Variants in CAMKK2 observed in about 807,000 individuals in gnomAD.
CAMKK2 encodes calcium/calmodulin-dependent protein kinase kinase 2.
In CAMKK2, 30 loss-of-function variants were observed where a neutral mutation model predicts 67.2. The observed-to-expected ratio is 0.45, with a 90% CI of 0.33 to 0.61. The LOEUF is 0.61. Among genes scored for constraint, CAMKK2 ranks in the 20% least tolerant of loss-of-function variants. The pLI is 0.02. For missense variants in CAMKK2, 643 were observed against 802.0 expected, an observed-to-expected ratio of 0.80 and a Z score of 2.39; for synonymous variants, 322 against 326.2, an observed-to-expected ratio of 0.99 and a Z score of 0.14.
At chr12:121,260,186 G>A in intron 7 of CAMKK2, 133 bp downstream of exon 7, 1 of 729,434 alleles carries the variant, frequency 1.4e-6, no homozygotes, top group Middle Eastern at 3.8e-4. Context: ...CCTCCGGTGG[G>A]GCCAGCTGGA....
At chr12:121,287,133 T>TGGGCTCAAGTG in intron 1 of CAMKK2, among the ~76,000 whole-genome samples, 1 of 152,156 alleles carries the variant, frequency 6.6e-6, no homozygotes, top group East Asian at 1.9e-4. Context: ...CTCAAACTCC[T>TGGGCTCAAGTG]GGGCTCAAGT....
intron 16 of CAMKK2, among the ~76,000 whole-genome samples, 169 bp from the exon 17 acceptor site, chr12:121,241,038 C>T (rs933190278): frequency 6.6e-6 from 1 of 152,194 alleles, no homozygotes; most frequent in Non-Finnish European, 1.5e-5. Flanking sequence ...TCCTTGCTCA[C>T]ATAAATTTTT....
intron 14 of CAMKK2, among the ~76,000 whole-genome samples, chr12:121,247,479 C>T (rs866050776): frequency 9.9e-5 from 15 of 152,220 alleles, no homozygotes; most frequent in Admixed American, 6.5e-4. Flanking sequence ...GCAACTGATT[C>T]AGGACTGAGA....
chr12:121,254,934 C>T (rs999760608), intron 9 of CAMKK2, among the ~76,000 whole-genome samples: 5 of 151,800 alleles, frequency 3.3e-5, no homozygotes, highest in African/African-American at 4.8e-5. Context: ...ACATTTGAGT[C>T]AGTGGGCTGG....
chr12:121,261,638 C>T (rs1893477357), intron 6 of CAMKK2, among the ~76,000 whole-genome samples: 1 of 152,242 alleles, frequency 6.6e-6, no homozygotes, highest in African/African-American at 2.4e-5. Context: ...CCTTGTCCGC[C>T]TAGAGTTCTG....
intron 7 of CAMKK2, among the ~76,000 whole-genome samples, chr12:121,257,697 G>A (rs1257441400): frequency 6.6e-6 from 1 of 152,144 alleles, no homozygotes; most frequent in East Asian, 1.9e-4. Context: ...TCATCAACCA[G>A]TGTGAGTTAG....
intron 16 of CAMKK2, among the ~76,000 whole-genome samples, chr12:121,242,478 G>A (rs112536694): frequency 1.3e-5 from 2 of 152,186 alleles, no homozygotes; most frequent in South Asian, 2.1e-4. Flanking sequence ...CCGAGGAAAG[G>A]CCAGCCCGCT....
At chr12:121,281,933 G>A (rs1014803865) in intron 1 of CAMKK2, among the ~76,000 whole-genome samples, 2 of 152,102 alleles carry the variant, frequency 1.3e-5, no homozygotes, top group South Asian at 4.1e-4. Context: ...GTGACAAAGC[G>A]AGAGTCCATC....
chr12:121,283,674 G>A (rs2136554244), intron 1 of CAMKK2, among the ~76,000 whole-genome samples: 1 of 152,208 alleles, frequency 6.6e-6, no homozygotes, highest in Admixed American at 6.6e-5. Context: ...AAATTAGTTG[G>A]GCATGGTACT....
chr12:121,269,324 A>T (rs960250343), intron 4 of CAMKK2, among the ~76,000 whole-genome samples: 4 of 152,214 alleles, frequency 2.6e-5, no homozygotes, highest in Non-Finnish European at 5.9e-5. Context: ...CTGAATGAGT[A>T]ACTTTTTCTG....
intron 2 of CAMKK2, among the ~76,000 whole-genome samples, chr12:121,272,037 T>C (rs1447188916): frequency 1.3e-5 from 2 of 150,646 alleles, no homozygotes; most frequent in East Asian, 4.0e-4. Context: ...AGATGGGTCT[T>C]CCTATGTTGC....
At chr12:121,242,898 G>A (rs1301280369) in intron 16 of CAMKK2, among the ~76,000 whole-genome samples, 20 of 150,816 alleles carry the variant, frequency 1.3e-4, no homozygotes, top group Admixed American at 4.0e-4. Flanking sequence ...GCCCGCCACC[G>A]CGCCCGGCTA....
At chr12:121,242,765 C>T (rs1051321731) in intron 16 of CAMKK2, among the ~76,000 whole-genome samples, 10 of 151,926 alleles carry the variant, frequency 6.6e-5, no homozygotes, top group East Asian at 3.9e-4. Context: ...TTTTTTGAGA[C>T]GGAGTCTCGC....
At chr12:121,280,331 T>C (rs931412207) in intron 1 of CAMKK2, among the ~76,000 whole-genome samples, 1 of 152,272 alleles carries the variant, frequency 6.6e-6, no homozygotes, top group Non-Finnish European at 1.5e-5. Context: ...TGATTTCTTA[T>C]GCCTGTCTTA....
chr12:121,242,353 AAG>A (rs1491076936), intron 16 of CAMKK2, among the ~76,000 whole-genome samples: 5 of 132,484 alleles, frequency 3.8e-5, no homozygotes, highest in African/African-American at 1.5e-4. Flanking sequence ...AAAAAAAAAA[AAG>A]AAAGAAAGAA....
chr12:121,240,655 C>CA lies in CAMKK2; in HGVS notation c.*43dup, dbSNP rs1396529213. 1.9e-6 allele frequency: 3 copies of CA among 1,550,224 alleles called. No individual in the cohort carries two copies. The highest frequency in any genetic ancestry group is 2.6e-6 in the Non-Finnish European group (3 of 1,153,502). On this transcript the variant is annotated 3_prime_UTR_variant, in exon 17 of 17. Coordinates refer to ENST00000404169, the MANE Select transcript of CAMKK2 (RefSeq NM_001270485.2). The surrounding 1 kb of genome is among the most constrained non-coding windows in gnomAD (Gnocchi z 4.4). Reference sequence around the variant, plus strand: ...ATGGAAACGCGGTGCAGCAGCCCCCCAGAGGCGACGCGGCGCGCATGCGAG... The same window carrying CA: ...ATGGAAACGCGGTGCAGCAGCCCCCCAAGAGGCGACGCGGCGCGCATGCGAG...
Position 121,265,730 on chromosome 12 carries a change from C to T in CAMKK2, c.626-1791G>A, listed in dbSNP as rs151084782. Reference sequence around the variant, plus strand: ...AAAATTAGCCAGGTGTGGTGGTGCACGCCTGTAGCCCCAGCTACTTGGGAG... The same window carrying T: ...AAAATTAGCCAGGTGTGGTGGTGCATGCCTGTAGCCCCAGCTACTTGGGAG... On this transcript the variant is annotated intron_variant, in intron 5 of 16. Coordinates refer to ENST00000404169, the MANE Select transcript of CAMKK2 (RefSeq NM_001270485.2). Among the ~76,000 whole-genome samples, 610 of 152,038 alleles carry T rather than the reference C, an allele frequency of 4.0e-3. 7 individuals carry two copies. The highest frequency in any genetic ancestry group is 0.017 in the Middle Eastern group (5 of 294).
In CAMKK2 at chr12:121,240,415, C is replaced by T. The variant is rs1393032428; in HGVS notation, c.*284G>A. On this transcript the variant is annotated 3_prime_UTR_variant, in exon 17 of 17. Coordinates refer to ENST00000404169, the MANE Select transcript of CAMKK2 (RefSeq NM_001270485.2). The surrounding 1 kb of genome is among the most constrained non-coding windows in gnomAD (Gnocchi z 4.4). Reference sequence around the variant, plus strand: ...CAATGAAGGATTTTTGGCATAAAAACGTTTTAAAAAGCAATTGTCCCAAAA... The same window carrying T: ...CAATGAAGGATTTTTGGCATAAAAATGTTTTAAAAAGCAATTGTCCCAAAA... 2 of 1,514,432 alleles carry T rather than the reference C, an allele frequency of 1.3e-6. No individual in the cohort carries two copies. The highest frequency in any genetic ancestry group is 2.2e-5 in the Admixed American group (1 of 46,312). 93.8% of individuals were successfully genotyped at this position (1,514,432 alleles called of 1,614,324 possible). A position where few individuals can be genotyped will look rare whatever the true frequency, so the allele number is the denominator to read the frequency against.
rs1442874441 is a variant in CAMKK2 at position 121,244,226 on chromosome 12, T to A, written c.1596+347A>T. ...TGACCTATGTGCTGACCATGCGGAC[T>A]CGGGGGGGCACCCATGGGCCCTGTG... On this transcript the variant is annotated intron_variant, in intron 16 of 16. Transcript: ENST00000404169. The A allele has an allele frequency of 3.0e-6, 4 of 1,338,496 alleles. No homozygotes were observed. The Admixed American group carries it at 6.0e-5, about 20-fold the overall frequency. 82.9% of individuals were successfully genotyped at this position (1,338,496 alleles called of 1,614,324 possible).
Sources: allele counts gnomAD v4.1 joint callset (sites outside exome capture counted in the v4.1 genomes callset), GRCh38; gene constraint gnomAD v4.1.1; non-coding constraint Gnocchi (gnomAD v3.1); transcripts MANE v1.5; gene names NCBI Gene and HGNC (gene_info 2026-07-23, HGNC 2026-07-21).